MATN2: variants seen among roughly 807,000 people sequenced by gnomAD.
MATN2 encodes the protein matrilin 2.
A neutral mutation model predicts 103.2 loss-of-function variants in MATN2; 69 were observed. The ratio of observed to expected loss-of-function variants is 0.67; its 90% CI spans 0.55 to 0.82. The LOEUF (loss-of-function observed/expected upper bound fraction) is 0.82. MATN2 is among the 40% of genes least tolerant of loss of function. The probability of loss-of-function intolerance (pLI) is 0.00; values close to 1 mark genes in which losing one functional copy is unlikely to be tolerated. For missense variants in MATN2, 1,023 were observed against 1,211.5 expected (o/e 0.84, Z 2.31); for synonymous variants, 429 against 450.2 (o/e 0.95, Z 0.60).
At chr8:97,930,870 C>T in intron 2 of MATN2, 83 bp from the exon 3 acceptor site, 2 of 883,836 alleles carry the variant, frequency 2.3e-6, no homozygotes, top group Non-Finnish European at 3.5e-6. Flanking sequence ...GATCCACCCG[C>T]CTTCCAAAGT....
intron 6 of MATN2, among the ~76,000 whole-genome samples, chr8:97,989,208 G>A (rs1014829504): frequency 3.9e-5 from 6 of 152,164 alleles, no homozygotes; most frequent in Non-Finnish European, 7.3e-5. Context: ...GGTGGCTCAC[G>A]CCTGTAATCC....
At chr8:97,875,417 A>AT (rs779056529) in intron 1 of MATN2, among the ~76,000 whole-genome samples, 21 of 152,198 alleles carry the variant, frequency 1.4e-4, no homozygotes, top group Non-Finnish European at 2.8e-4. Flanking sequence ...TGTTAAGTTA[A>AT]TTTTTTTCTT....
intron 2 of MATN2, among the ~76,000 whole-genome samples, chr8:97,895,294 G>C (rs1208354030): frequency 3.3e-5 from 5 of 152,224 alleles, no homozygotes. Context: ...CAGAAGCCAT[G>C]AGAGGCTCTG....
At chr8:97,995,800 G>A (rs13268951) in intron 7 of MATN2, among the ~76,000 whole-genome samples, 24,584 of 152,206 alleles carry the variant, frequency 0.16, 2,121 homozygotes, top group African/African-American at 0.2. Flanking sequence ...ATTTTGAAAC[G>A]GAGCCTGTCT....
intron 2 of MATN2, among the ~76,000 whole-genome samples, chr8:97,911,181 C>CG (rs141666038): frequency 0.14 from 21,514 of 151,416 alleles, 1,732 homozygotes; most frequent in Non-Finnish European, 0.18. Context: ...TCGGTAGAGA[C>CG]GGGGTCTCAC....
At chr8:97,973,971 T>C (rs1194321690) in intron 5 of MATN2, among the ~76,000 whole-genome samples, 1 of 152,250 alleles carries the variant, frequency 6.6e-6, no homozygotes, top group East Asian at 1.9e-4. Context: ...AGAACTCTTG[T>C]AAATTTTAAT....
At chr8:97,952,077 T>G (rs977341671) in intron 4 of MATN2, 1 of 152,204 alleles carries the variant, frequency 6.6e-6, no homozygotes, top group African/African-American at 2.4e-5. Context: ...TCAGACATGA[T>G]GAAAGAGAGG....
At chr8:97,894,840 A>G (rs1226011792) in intron 2 of MATN2, among the ~76,000 whole-genome samples, 3 of 151,942 alleles carry the variant, frequency 2.0e-5, no homozygotes, top group East Asian at 1.9e-4. Context: ...CTGTGTTGCT[A>G]ATGGAAATTT....
chr8:97,945,705 G>GAAAAAAAAAA (rs71303437), intron 4 of MATN2, among the ~76,000 whole-genome samples: 1 of 119,852 alleles, frequency 8.3e-6, no homozygotes, highest in African/African-American at 3.1e-5. Context: ...ACACACTATA[G>GAAAAAAAAAA]AAAAAAAAAA....
chr8:97,906,932 T>C (rs1207532299), intron 2 of MATN2, among the ~76,000 whole-genome samples: 1 of 151,926 alleles, frequency 6.6e-6, no homozygotes, highest in East Asian at 1.9e-4. Context: ...TACTGAGCTC[T>C]GTCAGCCTTG....
In MATN2 at chr8:98,035,688, G is replaced by A. The variant is rs751178257; in HGVS notation, c.2847G>A (p.Leu949=). The A allele has an allele frequency of 6.3e-7, 1 of 1,598,478 alleles. No homozygotes were observed. Among genetic ancestry groups the A allele is most frequent in the South Asian group, 1.1e-5 (1 of 88,678 alleles). The change falls in exon 19 of 19, where the codon CTG becomes CTA. Residue 949 remains leucine (L), a synonymous_variant. Transcript: ENST00000254898. ...AAATGACACAGAGAATGGAAGCCCT[G>A]GAAAATCGCCTGAGATACAGATGAA... ...LEEMTQRMEA[L]ENRLRYR
chr8:97,983,149 G>A (rs926259231), intron 6 of MATN2, among the ~76,000 whole-genome samples: 3 of 152,128 alleles, frequency 2.0e-5, no homozygotes, highest in African/African-American at 7.2e-5. Context: ...GTCCTTTGCC[G>A]TCTAACATAT....
intron 5 of MATN2, among the ~76,000 whole-genome samples, chr8:97,964,288 G>A (rs949684926): frequency 5.3e-5 from 8 of 152,252 alleles, no homozygotes; most frequent in African/African-American, 1.9e-4. Flanking sequence ...ACTTAGAGCA[G>A]GAAATTTAGA....
chr8:97,938,229 C>G (rs1449911702), intron 3 of MATN2, among the ~76,000 whole-genome samples: 3 of 152,072 alleles, frequency 2.0e-5, no homozygotes, highest in Non-Finnish European at 4.4e-5. Flanking sequence ...TGTCCTCTGC[C>G]CGTGGGTAAT....
chr8:97,939,313 C>T (rs1468365276), intron 3 of MATN2, among the ~76,000 whole-genome samples: 1 of 152,180 alleles, frequency 6.6e-6, no homozygotes, highest in African/African-American at 2.4e-5. Flanking sequence ...CACTGAGGAA[C>T]ACTAGACGGC....
chr8:97,892,101 G>T (rs554167115), intron 2 of MATN2, among the ~76,000 whole-genome samples: 29 of 152,030 alleles, frequency 1.9e-4, no homozygotes, highest in Non-Finnish European at 3.8e-4. Flanking sequence ...GCCTGGTTTG[G>T]TGGTGTGCAC....
In MATN2 at chr8:97,894,387, T is replaced by C. The variant is rs574432312; in HGVS notation, c.142+6145T>C. Among the ~76,000 whole-genome samples the C allele has an allele frequency of 3.0e-5, 4 of 134,846 alleles. No individual in the cohort carries two copies. In the South Asian group the frequency reaches 9.9e-4, roughly 34 times the overall value. The allele number at this position is 134,846 out of a possible 152,430, so 88.5% of individuals were successfully genotyped here. A position where few individuals can be genotyped will look rare whatever the true frequency, so the allele number is the denominator to read the frequency against. ...TTCTGTTGCCCAGGCTGGAGTGCAG[T>C]GGCACTATCATAGCTCACTGCAGCC... On this transcript the variant is annotated intron_variant, in intron 2 of 18. Coordinates refer to ENST00000254898, the MANE Select transcript of MATN2 (RefSeq NM_002380.5).
At chr8:97,893,144 C>T (rs566641126) in intron 2 of MATN2, among the ~76,000 whole-genome samples, 1 of 152,190 alleles carries the variant, frequency 6.6e-6, no homozygotes, top group Non-Finnish European at 1.5e-5. Context: ...TCCGGACAGA[C>T]TTGACCTTCC....
At chr8:97,879,484 G>A (rs1818180575) in intron 1 of MATN2, among the ~76,000 whole-genome samples, 1 of 152,206 alleles carries the variant, frequency 6.6e-6, no homozygotes, top group African/African-American at 2.4e-5. Flanking sequence ...CCAAGGCAGG[G>A]AGGGCAGTTC....
Sources: gnomAD v4.1 joint callset for allele counts (sites outside exome capture counted in the v4.1 genomes callset) on GRCh38, gnomAD v4.1.1 for gene constraint, MANE v1.5 for transcripts, NCBI Gene and HGNC (gene_info 2026-07-23, HGNC 2026-07-21) for gene names.